NDST1: variants seen among roughly 807,000 people sequenced by gnomAD.
NDST1 encodes bifunctional heparan sulfate N-deacetylase/N-sulfotransferase 1.
NDST1 carries 35 observed loss-of-function variants against 92.8 expected under a neutral mutation model. The ratio of observed to expected loss-of-function variants is 0.38; its 90% CI spans 0.29 to 0.50. NDST1 has a LOEUF of 0.50. Ranked by LOEUF, NDST1 falls within the 20% of genes least tolerant of loss-of-function variation. NDST1 has a pLI of 0.94. For missense variants in NDST1, 822 were observed against 1,182.7 expected, an observed-to-expected ratio of 0.69 and a Z score of 4.47; for synonymous variants, 493 against 500.3, an observed-to-expected ratio of 0.99 and a Z score of 0.19.
Position 150,545,445 on chromosome 5 carries a change from A to G in NDST1, c.2104A>G (p.Ile702Val). ...CTTGCCCAAAGCCAAGGTCCTGACCATCCTCATCAACCCCGCGGACCGGGC... is the reference window on the plus strand; with the variant it reads ...CTTGCCCAAAGCCAAGGTCCTGACCGTCCTCATCAACCCCGCGGACCGGGC... ...ALLPKAKVLTILINPADRAYS... is the reference protein window; with the variant it reads ...ALLPKAKVLTVLINPADRAYS... The change falls in exon 11 of 15, where the codon ATC becomes GTC. Residue 702 changes from isoleucine (I) to valine (V), a missense_variant. By Grantham distance (29) the Ile-to-Val change is conservative (BLOSUM62 3). Coordinates refer to ENST00000261797, the MANE Select transcript of NDST1 (RefSeq NM_001543.5). The G allele has an allele frequency of 6.2e-7, 1 of 1,614,214 alleles. No homozygotes were observed. The highest frequency in any genetic ancestry group is 8.5e-7 in the Non-Finnish European group (1 of 1,180,036).
intron 3 of NDST1, among the ~76,000 whole-genome samples, chr5:150,529,480 G>A (rs972033230): frequency 1.3e-5 from 2 of 151,098 alleles, no homozygotes; most frequent in African/African-American, 4.9e-5. Flanking sequence ...CATGTGAACT[G>A]TCATTGTGAG....
At position 150,521,535 on chromosome 5, in the gene NDST1, C is replaced by A; in HGVS notation, c.281C>A (p.Ser94Ter). Residue 94 changes from serine (S) to a stop codon, truncating the protein, a stop_gained, in exon 2 of 15, where the codon TCG becomes TAG. Coordinates refer to ENST00000261797, the MANE Select transcript of NDST1 (RefSeq NM_001543.5). LOFTEE classifies it high-confidence loss of function. The surrounding 1 kb of genome is among the most constrained non-coding windows in gnomAD (Gnocchi z 5.9). ...CTGGTCTTTGTGGAGAGCCTCTACTCGCAACTGGGCCAGGAGGTGGTGGCC... is the reference window on the plus strand; with the variant it reads ...CTGGTCTTTGTGGAGAGCCTCTACTAGCAACTGGGCCAGGAGGTGGTGGCC... The part of the protein sequence containing the change: ...LVLVFVESLY[S>*]QLGQEVVAIL... 5 of 1,613,998 alleles carry A rather than the reference C, an allele frequency of 3.1e-6. No individual in the cohort carries two copies. Among genetic ancestry groups the A allele is most frequent in the Non-Finnish European group, 4.2e-6 (5 of 1,180,032 alleles).
Position 150,539,657 on chromosome 5 carries a change from C to A in NDST1, c.1566+301C>A, listed in dbSNP as rs918679034. The A allele has an allele frequency of 1.2e-5, 12 of 985,168 alleles. No individual in the cohort carries two copies. In the Admixed American group the frequency reaches 6.8e-4, roughly 55 times the overall value. The allele number at this position is 985,168 out of a possible 1,614,324, so 61.0% of individuals were successfully genotyped here. ...GTATACACACATACACAGATACACA[C>A]ACATATATGAACAACATTTGAGTTT... On this transcript the variant is annotated intron_variant, in intron 7 of 14. Transcript: ENST00000261797.
chr5:150,551,830 G>A lies in NDST1; in HGVS notation c.2504G>A (p.Arg835Gln), dbSNP rs370921233. The A allele has an allele frequency of 1.4e-5, 23 of 1,613,298 alleles. No individual in the cohort carries two copies. Among genetic ancestry groups the A allele is most frequent in the African/African-American group, 2.7e-5 (2 of 74,886 alleles). Residue 835 changes from arginine to glutamine, a missense_variant, in exon 14 of 15, where the codon CGG becomes CAG. Transcript: ENST00000261797. The part of the protein sequence containing the change: ...KTKCLGKSKG[R>Q]KYPEMDLDSR... ...AAGTGTCTGGGCAAAAGCAAGGGCC[G>A]GAAATATCCCGAGATGGACTTGGAT... is the stretch of plus-strand genomic sequence containing the variant.
intron 3 of NDST1, among the ~76,000 whole-genome samples, chr5:150,530,474 A>G (rs562488221): frequency 6.6e-6 from 1 of 151,642 alleles, no homozygotes; most frequent in South Asian, 2.1e-4. Context: ...GGTCAGGTTG[A>G]GCCTGAGGAG....
rs951835842 is a variant in NDST1, at chr5:150,554,123, C to T, written c.*791C>T. On this transcript the variant is annotated 3_prime_UTR_variant, in exon 15 of 15. Transcript: ENST00000261797. The stretch of plus-strand genomic sequence containing the variant: ...CCAGTAACATGTTCCCATGTACAGA[C>T]ACGGTCCCCACACCCTCCCAGCCTC... 1 of 399,622 alleles carries T rather than the reference C, an allele frequency of 2.5e-6. No homozygotes were observed. Among genetic ancestry groups the T allele is most frequent in the Non-Finnish European group, 4.4e-6 (1 of 226,642 alleles). 24.8% of individuals were successfully genotyped at this position (399,622 alleles called of 1,614,324 possible). A position where few individuals can be genotyped will look rare whatever the true frequency, so the allele number is the denominator to read the frequency against.
intron 12 of NDST1, among the ~76,000 whole-genome samples, chr5:150,548,668 C>T (rs1022940438): frequency 1.3e-5 from 2 of 152,068 alleles, no homozygotes; most frequent in African/African-American, 4.8e-5. Flanking sequence ...TCCTGAGTAG[C>T]TGGGACTACA....
At chr5:150,535,915 G>A in intron 6 of NDST1, 30 bp downstream of exon 6, 1 of 1,605,546 alleles carries the variant, frequency 6.2e-7, no homozygotes, top group African/African-American at 1.3e-5. Context: ...CCCAGGAGGT[G>A]GGAGAATGGA....
In NDST1 at chr5:150,557,865, C is replaced by T. The variant is rs1196339530; in HGVS notation, c.*4533C>T. 2.0e-5 allele frequency: 3 copies of T among 152,694 alleles called. No homozygotes were observed. The highest frequency in any genetic ancestry group is 2.9e-5 in the Non-Finnish European group (2 of 68,070). 9.5% of individuals were successfully genotyped at this position (152,694 alleles called of 1,614,324 possible). On this transcript the variant is annotated 3_prime_UTR_variant, in exon 15 of 15. Coordinates refer to ENST00000261797, the MANE Select transcript of NDST1 (RefSeq NM_001543.5). This position sits in a 1 kb window ranked among gnomAD's most constrained non-coding sequence, Gnocchi z 4.7. ...TCCTAAGAAGTTCATCCCTCCTGCT[C>T]TTACTGTTTCCGGCCCTGGAGGAGA...
chr5:150,502,493 G>C (rs1753278700), intron 1 of NDST1, among the ~76,000 whole-genome samples: 1 of 151,974 alleles, frequency 6.6e-6, no homozygotes. Context: ...GGGGTCAGCT[G>C]TGCTGGGGTG....
intron 4 of NDST1, among the ~76,000 whole-genome samples, chr5:150,533,884 A>G (rs1341713250): frequency 6.6e-6 from 1 of 151,896 alleles, no homozygotes; most frequent in Non-Finnish European, 1.5e-5. Context: ...GGAGTTCAGG[A>G]CTACCTTGGT....
At chr5:150,526,843 A>G (rs114020312) in intron 2 of NDST1, among the ~76,000 whole-genome samples, 121 of 152,336 alleles carry the variant, frequency 7.9e-4, no homozygotes, top group African/African-American at 2.8e-3. Flanking sequence ...ATGAAGGAAC[A>G]GGGGCTGTGA....
intron 3 of NDST1, among the ~76,000 whole-genome samples, chr5:150,530,162 T>A (rs1248461751): frequency 6.6e-6 from 1 of 152,168 alleles, no homozygotes; most frequent in Non-Finnish European, 1.5e-5. Context: ...GTTAGGGGGA[T>A]GTTTTGGTGC....
At chr5:150,549,602 T>C (rs1755634839) in intron 12 of NDST1, 76 bp from the exon 13 acceptor site, 2 of 848,178 alleles carry the variant, frequency 2.4e-6, no homozygotes, top group East Asian at 2.5e-5. Context: ...AGCAGGCCCA[T>C]TCCTGCTGCC....
chr5:150,505,872 C>T (rs552230813), upstream of NDST1, among the ~76,000 whole-genome samples: 4 of 152,226 alleles, frequency 2.6e-5, no homozygotes, highest in South Asian at 2.1e-4. Flanking sequence ...CTTGAATGCC[C>T]GGGCTTCCAG....
At chr5:150,549,936 T>A (rs1308763089) in intron 13 of NDST1, 149 bp downstream of exon 13, 2 of 688,086 alleles carry the variant, frequency 2.9e-6, no homozygotes, top group Non-Finnish European at 5.3e-6. Context: ...GTCATATTAA[T>A]AAAGGTATCA....
chr5:150,551,905 C>T, intron 14 of NDST1, 50 bp downstream of exon 14: 1 of 1,604,252 alleles, frequency 6.2e-7, no homozygotes. Context: ...GTAAGGGGTC[C>T]CTGTATGGAG....
At chr5:150,536,131 G>C (rs1260644873) in intron 6 of NDST1, among the ~76,000 whole-genome samples, 1 of 152,190 alleles carries the variant, frequency 6.6e-6, no homozygotes, top group Non-Finnish European at 1.5e-5. Flanking sequence ...CAGCATTCTT[G>C]AAAGAGGTTT....
intron 12 of NDST1, among the ~76,000 whole-genome samples, chr5:150,548,652 T>A (rs1755594483): frequency 6.6e-6 from 1 of 152,080 alleles, no homozygotes; most frequent in South Asian, 2.1e-4. Context: ...TCCTTCCACC[T>A]CTGCCTCCTG....
Sources: gnomAD v4.1 joint callset for allele counts (sites outside exome capture counted in the v4.1 genomes callset) on GRCh38, gnomAD v4.1.1 for gene constraint, Gnocchi (gnomAD v3.1) non-coding constraint, MANE v1.5 for transcripts, NCBI Gene and HGNC (gene_info 2026-07-23, HGNC 2026-07-21) for gene names.